PDE4B: variants seen among roughly 807,000 people sequenced by gnomAD.
PDE4B encodes phosphodiesterase 4B, also known as 3',5'-cyclic-AMP phosphodiesterase 4B.
PDE4B carries 20 observed loss-of-function variants against 82.2 expected under a neutral mutation model. The observed-to-expected ratio is 0.24, with a 90% CI of 0.17 to 0.35. The LOEUF is 0.35. PDE4B is among the 10% of genes least tolerant of loss of function. The probability of loss-of-function intolerance (pLI) is 1.00; values close to 1 mark genes in which losing one functional copy is unlikely to be tolerated. For missense variants in PDE4B, 655 were observed against 907.2 expected, an observed-to-expected ratio of 0.72 and a Z score of 3.57; for synonymous variants, 320 against 318.9, an observed-to-expected ratio of 1.00 and a Z score of -0.04.
In PDE4B at chr1:66,228,584, G is replaced by A. The variant is rs189595686; in HGVS notation, c.282-18876G>A. The stretch of plus-strand genomic sequence containing the variant: ...GCTTGCAGTGAGCTGAGCTGAGATC[G>A]CGCCACTGCACTCCAGCCTGGGCGA... On this transcript the variant is annotated intron_variant, in intron 3 of 16. Coordinates refer to ENST00000341517, the MANE Select transcript of PDE4B (RefSeq NM_002600.4). 1.7e-4 allele frequency among the ~76,000 whole-genome samples: 26 copies of A among 150,882 alleles called. No homozygotes were observed. The East Asian group carries it at 4.7e-3, about 27-fold the overall frequency.
chr1:65,823,113 A>G (rs1405461080), intron 1 of PDE4B, among the ~76,000 whole-genome samples: 1 of 151,940 alleles, frequency 6.6e-6, no homozygotes, highest in Non-Finnish European at 1.5e-5. Flanking sequence ...AAAATTCTGG[A>G]CAGGCTGGGC....
intron 3 of PDE4B, among the ~76,000 whole-genome samples, chr1:66,086,907 G>A (rs529986533): frequency 6.6e-6 from 1 of 152,126 alleles, no homozygotes; most frequent in African/African-American, 2.4e-5. Flanking sequence ...TAATTGAGAA[G>A]AGTGATATTT....
intron 8 of PDE4B, among the ~76,000 whole-genome samples, chr1:66,334,539 T>G (rs1344487221): frequency 2.0e-5 from 3 of 152,188 alleles, no homozygotes; most frequent in Admixed American, 6.5e-5. Flanking sequence ...CAATGAAAGT[T>G]GAATAGAGCT....
intron 3 of PDE4B, among the ~76,000 whole-genome samples, chr1:66,136,901 A>G (rs1646070257): frequency 6.6e-6 from 1 of 152,048 alleles, no homozygotes; most frequent in South Asian, 2.1e-4. Flanking sequence ...GAGGTCTAAG[A>G]AGGAGGACAT....
chr1:66,193,920 A>G (rs1648043371), intron 3 of PDE4B, among the ~76,000 whole-genome samples: 1 of 151,536 alleles, frequency 6.6e-6, no homozygotes, highest in South Asian at 2.1e-4. Context: ...AGGCCATGTC[A>G]CATTTGAACC....
chr1:65,795,814 G>T (rs1443639037), intron 1 of PDE4B, among the ~76,000 whole-genome samples: 2 of 152,184 alleles, frequency 1.3e-5, no homozygotes, highest in Non-Finnish European at 2.9e-5. Flanking sequence ...GGATAACAAG[G>T]CGGTTCCCAA....
intron 3 of PDE4B, among the ~76,000 whole-genome samples, chr1:66,130,037 T>C (rs1471845196): frequency 6.6e-6 from 1 of 152,258 alleles, no homozygotes; most frequent in African/African-American, 2.4e-5. Context: ...ACCCTAATTC[T>C]ACAAATCCCC....
At chr1:66,262,940 A>AT (rs1654791905) in intron 6 of PDE4B, among the ~76,000 whole-genome samples, 1 of 152,220 alleles carries the variant, frequency 6.6e-6, no homozygotes, top group African/African-American at 2.4e-5. Context: ...GAAAGTAGAG[A>AT]TTTCTGACAT....
At chr1:66,289,407 A>G (rs1656910586) in intron 7 of PDE4B, among the ~76,000 whole-genome samples, 1 of 152,182 alleles carries the variant, frequency 6.6e-6, no homozygotes, top group African/African-American at 2.4e-5. Context: ...AGATGGAAAA[A>G]TGGGAAAAGG....
intron 1 of PDE4B, among the ~76,000 whole-genome samples, chr1:65,849,389 T>C (rs945354982): frequency 6.6e-6 from 1 of 152,060 alleles, no homozygotes; most frequent in African/African-American, 2.4e-5. Context: ...TAAGGATGCA[T>C]CCTAAAGGGG....
chr1:66,348,337 T>A (rs891112667), intron 8 of PDE4B, among the ~76,000 whole-genome samples: 1 of 152,178 alleles, frequency 6.6e-6, no homozygotes, highest in South Asian at 2.1e-4. Flanking sequence ...ATTTTTGTCA[T>A]CTGTTGAAAA....
chr1:65,971,363 T>A (rs1187946322), intron 3 of PDE4B, among the ~76,000 whole-genome samples: 1 of 152,164 alleles, frequency 6.6e-6, no homozygotes, highest in Non-Finnish European at 1.5e-5. Context: ...GAAGTACCAA[T>A]GCATTTTCTA....
At chr1:66,363,991 A>T (rs550519829) in intron 12 of PDE4B, among the ~76,000 whole-genome samples, 1 of 152,282 alleles carries the variant, frequency 6.6e-6, no homozygotes, top group East Asian at 1.9e-4. Context: ...AAAAGTATTT[A>T]ACTGTAAAGC....
At chr1:66,206,672 G>A (rs1211066707) in intron 3 of PDE4B, among the ~76,000 whole-genome samples, 2 of 152,198 alleles carry the variant, frequency 1.3e-5, no homozygotes, top group South Asian at 2.1e-4. Context: ...TGCAGGTAAG[G>A]AAACTAGTAA....
chr1:66,248,936 T>C (rs1653537795), intron 4 of PDE4B, among the ~76,000 whole-genome samples: 1 of 152,236 alleles, frequency 6.6e-6, no homozygotes, highest in African/African-American at 2.4e-5. Context: ...ACTGGGACTC[T>C]GAGAGATTGA....
intron 9 of PDE4B, among the ~76,000 whole-genome samples, chr1:66,359,620 ATTAAACAAAGGGAAAAGG>A (rs1662588595): frequency 6.6e-6 from 1 of 152,198 alleles, no homozygotes; most frequent in African/African-American, 2.4e-5. Flanking sequence ...GGAATCTTTA[ATTAAACAAAGGGAAAAGG>A]CTGCTGGTCC....
At chr1:66,217,205 T>C (rs1183955540) in intron 3 of PDE4B, among the ~76,000 whole-genome samples, 1 of 152,056 alleles carries the variant, frequency 6.6e-6, no homozygotes, top group African/African-American at 2.4e-5. Flanking sequence ...TACTTAGTCA[T>C]TGTGTGTTTA....
At chr1:65,862,806 C>A (rs970503700) in intron 1 of PDE4B, among the ~76,000 whole-genome samples, 1 of 152,124 alleles carries the variant, frequency 6.6e-6, no homozygotes, top group East Asian at 1.9e-4. Context: ...GGAATTAATA[C>A]ATTTCTTCTA....
At chr1:65,816,664 T>C (rs1259737133) in intron 1 of PDE4B, among the ~76,000 whole-genome samples, 2 of 152,208 alleles carry the variant, frequency 1.3e-5, no homozygotes, top group East Asian at 3.8e-4. Context: ...CCTTATTATC[T>C]AATATGGGGA....
Sources: gnomAD v4.1 joint callset for allele counts (sites outside exome capture counted in the v4.1 genomes callset) on GRCh38, gnomAD v4.1.1 for gene constraint, MANE v1.5 for transcripts, NCBI Gene and HGNC (gene_info 2026-07-23, HGNC 2026-07-21) for gene names.